CPNE4: variants seen among roughly 807,000 people sequenced by gnomAD.
CPNE4 encodes the protein copine-4.
A neutral mutation model predicts 67.9 loss-of-function variants in CPNE4; 25 were observed. The ratio of observed to expected loss-of-function variants is 0.37; its 90% CI spans 0.27 to 0.51. The LOEUF (loss-of-function observed/expected upper bound fraction) is 0.51, where lower values mean the gene tolerates loss of function less well. CPNE4 is among the 20% of genes least tolerant of loss of function. The probability of loss-of-function intolerance (pLI) is 0.93; values close to 1 mark genes in which losing one functional copy is unlikely to be tolerated. For missense variants in CPNE4, 464 were observed against 690.8 expected (o/e 0.67, Z 3.68); for synonymous variants, 242 against 244.9 (o/e 0.99, Z 0.11).
In CPNE4 at chr3:131,828,546, AT is replaced by A. The variant is rs201442600; in HGVS notation, c.180+76717del. Among the ~76,000 whole-genome samples, 890 of 152,246 alleles carry A rather than the reference AT, an allele frequency of 5.8e-3. 4 individuals carry two copies. Among genetic ancestry groups the A allele is most frequent in the Admixed American group, 0.011 (161 of 15,278 alleles). On this transcript the variant is annotated intron_variant, in intron 2 of 15. Transcript: ENST00000429747. Reference sequence around the variant, plus strand: ...TCCATCCATTCTCAAGTGGAATGCAATTTAAATTATTTCTGGTTTGAGCTGC... The same window carrying A: ...TCCATCCATTCTCAAGTGGAATGCAATTAAATTATTTCTGGTTTGAGCTGC...
chr3:131,970,825 T>C (rs1267746108), intron 1 of CPNE4, among the ~76,000 whole-genome samples: 10 of 152,224 alleles, frequency 6.6e-5, no homozygotes, highest in Non-Finnish European at 1.5e-4. Flanking sequence ...CTTCCCATTA[T>C]TAATGTAGAT....
chr3:131,910,326 C>A (rs1483730277), intron 1 of CPNE4, among the ~76,000 whole-genome samples: 1 of 152,254 alleles, frequency 6.6e-6, no homozygotes, highest in Non-Finnish European at 1.5e-5. Context: ...TATCTGCAAG[C>A]CTTCAGATAT....
At chr3:131,833,580 C>T (rs1227477640) in intron 2 of CPNE4, among the ~76,000 whole-genome samples, 1 of 152,118 alleles carries the variant, frequency 6.6e-6, no homozygotes, top group Admixed American at 6.5e-5. Flanking sequence ...CCTGTAGTTC[C>T]AGCTACTGGT....
intron 2 of CPNE4, among the ~76,000 whole-genome samples, chr3:131,737,723 A>G (rs11926150): frequency 0.28 from 42,582 of 151,958 alleles, 6,091 homozygotes; most frequent in East Asian, 0.33. Context: ...TAGCCCTTCT[A>G]TGCTGGCCCC....
intron 5 of CPNE4, among the ~76,000 whole-genome samples, chr3:131,692,201 G>T (rs183246606): frequency 6.6e-6 from 1 of 152,256 alleles, no homozygotes; most frequent in East Asian, 1.9e-4. Flanking sequence ...GAAATTATCT[G>T]AAAGATGTAG....
At chr3:131,800,717 G>A (rs2084068952) in intron 2 of CPNE4, among the ~76,000 whole-genome samples, 1 of 152,138 alleles carries the variant, frequency 6.6e-6, no homozygotes, top group Admixed American at 6.6e-5. Context: ...CATCCTAAGG[G>A]TGTGGCCTTA....
intron 1 of CPNE4, among the ~76,000 whole-genome samples, chr3:131,967,093 C>T (rs964946289): frequency 5.3e-5 from 8 of 152,148 alleles, no homozygotes; most frequent in African/African-American, 1.7e-4. Flanking sequence ...AAACATAATC[C>T]ATCACATAAA....
chr3:131,542,841 G>C (rs1935584613), intron 14 of CPNE4, 48 bp from the exon 15 acceptor site: 1 of 1,358,394 alleles, frequency 7.4e-7, no homozygotes, highest in Non-Finnish European at 1.0e-6. Flanking sequence ...AGAGGTGAGG[G>C]AGACAAGGAC....
intron 2 of CPNE4, among the ~76,000 whole-genome samples, chr3:131,887,206 A>T (rs1404223560): frequency 6.6e-6 from 1 of 152,190 alleles, no homozygotes; most frequent in Non-Finnish European, 1.5e-5. Context: ...AAGTCTCACA[A>T]GATCTGATGG....
chr3:131,587,348 C>G, intron 8 of CPNE4, 136 bp downstream of exon 8: 1 of 636,342 alleles, frequency 1.6e-6, no homozygotes, highest in African/African-American at 1.8e-5. Context: ...TCTAGATACT[C>G]ACATCCTACC....
intron 2 of CPNE4, among the ~76,000 whole-genome samples, chr3:131,752,865 T>C (rs1305467097): frequency 6.6e-6 from 1 of 152,066 alleles, no homozygotes; most frequent in African/African-American, 2.4e-5. Context: ...GTAATAAGAA[T>C]CTCAATGGGT....
At chr3:131,661,992 T>G (rs75877542) in intron 7 of CPNE4, among the ~76,000 whole-genome samples, 2,680 of 152,194 alleles carry the variant, frequency 0.018, 47 homozygotes, top group African/African-American at 0.047. Flanking sequence ...GGGGCTGAAT[T>G]GGGATCAATG....
At chr3:131,902,474 T>TTG (rs1199795630) in intron 2 of CPNE4, among the ~76,000 whole-genome samples, 1 of 152,128 alleles carries the variant, frequency 6.6e-6, no homozygotes. Context: ...AAGATGTTTA[T>TTG]TGCAGTATTA....
intron 3 of CPNE4, among the ~76,000 whole-genome samples, chr3:131,716,175 G>T (rs2081680311): frequency 6.6e-6 from 1 of 152,096 alleles, no homozygotes; most frequent in Non-Finnish European, 1.5e-5. Flanking sequence ...CAGGAGTCCT[G>T]CTGTTTCACA....
intron 2 of CPNE4, among the ~76,000 whole-genome samples, chr3:131,842,778 G>A (rs958611027): frequency 2.2e-4 from 33 of 147,574 alleles, no homozygotes; most frequent in Admixed American, 1.9e-3. Flanking sequence ...CACATCTGAA[G>A]TGCTGAATTG....
At chr3:131,720,640 C>T (rs1358927122) in intron 3 of CPNE4, among the ~76,000 whole-genome samples, 1 of 152,152 alleles carries the variant, frequency 6.6e-6, no homozygotes, top group Non-Finnish European at 1.5e-5. Flanking sequence ...ATAAATGTCC[C>T]AGTTCCCTCA....
chr3:131,741,587 AATCTT>A (rs2082356495), intron 2 of CPNE4, among the ~76,000 whole-genome samples: 1 of 152,124 alleles, frequency 6.6e-6, no homozygotes, highest in Non-Finnish European at 1.5e-5. Context: ...TTTTCTGAAA[AATCTT>A]ACGTTACTGA....
chr3:131,989,271 GT>G (rs1304570591), intron 1 of CPNE4, among the ~76,000 whole-genome samples: 1 of 152,190 alleles, frequency 6.6e-6, no homozygotes, highest in Non-Finnish European at 1.5e-5. Context: ...CAGATTCAAC[GT>G]GAAAATATAG....
At chr3:131,679,406 G>T (rs2080676349) in intron 6 of CPNE4, among the ~76,000 whole-genome samples, 1 of 151,702 alleles carries the variant, frequency 6.6e-6, no homozygotes, top group Admixed American at 6.6e-5. Flanking sequence ...CTTTTGAATG[G>T]TTTTTTGTCT....
Sources: allele counts gnomAD v4.1 joint callset (sites outside exome capture counted in the v4.1 genomes callset), GRCh38; gene constraint gnomAD v4.1.1; transcripts MANE v1.5; gene names NCBI Gene and HGNC (gene_info 2026-07-23, HGNC 2026-07-21).